FGD6: variants seen among roughly 807,000 people sequenced by gnomAD.
FGD6 encodes the protein FYVE, RhoGEF and PH domain-containing protein 6.
A neutral mutation model predicts 149.4 loss-of-function variants in FGD6; 90 were observed. The ratio of observed to expected loss-of-function variants is 0.60; its 90% CI spans 0.51 to 0.72. FGD6 has a LOEUF of 0.72. Among genes scored for constraint, FGD6 ranks in the 30% least tolerant of loss-of-function variants. The pLI, the probability that FGD6 is intolerant of heterozygous loss-of-function variation, is 0.00. For synonymous variants in FGD6, 527 were observed against 584.0 expected (o/e 0.90, Z 1.41); for missense variants, 1,437 against 1,684.8 (o/e 0.85, Z 2.57).
intron 8 of FGD6, among the ~76,000 whole-genome samples, chr12:95,134,311 A>G (rs7957829): frequency 0.67 from 101,943 of 151,972 alleles, 34,421 homozygotes; most frequent in Middle Eastern, 0.71. Context: ...ATCAAACCTT[A>G]TAACAACCTT....
At chr12:95,205,197 G>A (rs2056687041) in intron 2 of FGD6, among the ~76,000 whole-genome samples, 1 of 152,040 alleles carries the variant, frequency 6.6e-6, no homozygotes, top group South Asian at 2.1e-4. Context: ...AACCCCAGGA[G>A]GTCAAGGCTA....
Position 95,094,101 on chromosome 12 carries a change from G to A in FGD6, c.3600+491C>T, listed in dbSNP as rs183772877. 5.1e-3 allele frequency among the ~76,000 whole-genome samples: 772 copies of A among 151,806 alleles called. 2 individuals are homozygous for A. The highest frequency in any genetic ancestry group is 7.8e-3 in the Non-Finnish European group (529 of 67,936). On this transcript the variant is annotated intron_variant, in intron 15 of 20. Transcript: ENST00000343958. The stretch of plus-strand genomic sequence containing the variant: ...TTGAACCCAGGAGGCAGAGGTTGCA[G>A]TGAGCTGAGTTTGCGCCATTGCACT...
chr12:95,135,869 C>A (rs1879650745), intron 7 of FGD6, among the ~76,000 whole-genome samples: 2 of 152,152 alleles, frequency 1.3e-5, no homozygotes, highest in Non-Finnish European at 2.9e-5. Context: ...CTTTTGCTAA[C>A]AAGGTAACAC....
chr12:95,109,417 T>C (rs187705955), intron 9 of FGD6, among the ~76,000 whole-genome samples: 28 of 152,216 alleles, frequency 1.8e-4, no homozygotes, highest in African/African-American at 6.5e-4. Context: ...CCAAACTCCA[T>C]GCAATACTCC....
chr12:95,177,637 G>A (rs1169821935), intron 2 of FGD6, among the ~76,000 whole-genome samples: 1 of 152,054 alleles, frequency 6.6e-6, no homozygotes, highest in African/African-American at 2.4e-5. Flanking sequence ...ATGACTTGGT[G>A]ATTATGTGTT....
At chr12:95,110,399 C>G (rs1878779301) in intron 9 of FGD6, among the ~76,000 whole-genome samples, 1 of 150,894 alleles carries the variant, frequency 6.6e-6, no homozygotes, top group African/African-American at 2.4e-5. Flanking sequence ...CTCTGTCTCC[C>G]AGGCTGAAGT....
At chr12:95,182,179 A>G (rs1411254598) in intron 2 of FGD6, among the ~76,000 whole-genome samples, 1 of 90,480 alleles carries the variant, frequency 1.1e-5, no homozygotes, top group Admixed American at 1.2e-4. Flanking sequence ...AGAATACTTC[A>G]CAGTTGCATA....
chr12:95,106,233 ACTACAGGTGTGAG>A (rs1878616680), intron 13 of FGD6, among the ~76,000 whole-genome samples: 1 of 150,276 alleles, frequency 6.7e-6, no homozygotes, highest in South Asian at 2.1e-4. Flanking sequence ...AAGTGCTGGG[ACTACAGGTGTGAG>A]CCACTACGCC....
chr12:95,179,269 T>G (rs1592865390), intron 2 of FGD6, among the ~76,000 whole-genome samples: 1 of 147,606 alleles, frequency 6.8e-6, no homozygotes, highest in African/African-American at 2.5e-5. Context: ...CTGTGGGGGG[T>G]GGGGGTGATT....
intron 5 of FGD6, among the ~76,000 whole-genome samples, chr12:95,151,736 A>G (rs1241735244): frequency 6.6e-6 from 1 of 152,192 alleles, no homozygotes; most frequent in Non-Finnish European, 1.5e-5. Context: ...TATTTGGTGA[A>G]CCTTTCATTT....
intron 2 of FGD6, among the ~76,000 whole-genome samples, chr12:95,193,453 G>A (rs1233581980): frequency 1.3e-5 from 2 of 151,530 alleles, no homozygotes; most frequent in African/African-American, 4.9e-5. Context: ...TGCCTCCTGG[G>A]TTCAAGCAAT....
intron 14 of FGD6, among the ~76,000 whole-genome samples, chr12:95,096,024 A>AT (rs1555216375): frequency 6.6e-6 from 1 of 152,010 alleles, no homozygotes; most frequent in Non-Finnish European, 1.5e-5. Context: ...CAAAAAAAAA[A>AT]AAAGCAGAAG....
At chr12:95,104,985 A>AG in intron 14 of FGD6, 22 bp downstream of exon 14, 2 of 1,561,858 alleles carry the variant, frequency 1.3e-6, no homozygotes, top group Non-Finnish European at 1.7e-6. Context: ...AAAAAAAAAA[A>AG]AAAGAAGAAG....
chr12:95,113,592 T>C, intron 9 of FGD6, 59 bp downstream of exon 9: 1 of 1,282,090 alleles, frequency 7.8e-7, no homozygotes, highest in South Asian at 1.3e-5. Flanking sequence ...ATTTTTACTT[T>C]CTAGCCCTAC....
intron 3 of FGD6, among the ~76,000 whole-genome samples, chr12:95,162,100 C>CAAAAAAAAAA (rs762218917): frequency 1.6e-5 from 1 of 61,804 alleles, no homozygotes. Flanking sequence ...CTGAAAAATA[C>CAAAAAAAAAA]AAAAAAAAAA....
chr12:95,188,397 G>GTA (rs1439720011), intron 2 of FGD6, among the ~76,000 whole-genome samples: 2 of 152,092 alleles, frequency 1.3e-5, no homozygotes, highest in East Asian at 3.8e-4. Context: ...GTGTGTGTGT[G>GTA]TAGAGGACAT....
intron 8 of FGD6, among the ~76,000 whole-genome samples, chr12:95,129,894 G>A (rs1391117225): frequency 2.0e-5 from 3 of 151,968 alleles, no homozygotes; most frequent in Non-Finnish European, 2.9e-5. Flanking sequence ...GGCTGGTCTC[G>A]AACTTCTGAG....
At chr12:95,172,572 C>T (rs1448318101) in intron 3 of FGD6, 28 bp downstream of exon 3, 1 of 1,543,802 alleles carries the variant, frequency 6.5e-7, no homozygotes, top group South Asian at 1.3e-5. Flanking sequence ...AGGGAGAGGT[C>T]AAGAAGCAAT....
intron 20 of FGD6, among the ~76,000 whole-genome samples, chr12:95,082,544 C>G (rs1348836951): frequency 6.6e-6 from 1 of 150,672 alleles, no homozygotes; most frequent in Non-Finnish European, 1.5e-5. Flanking sequence ...GTAATCCCAG[C>G]TACTTGGGAG....
Sources: allele counts gnomAD v4.1 joint callset (sites outside exome capture counted in the v4.1 genomes callset), GRCh38; gene constraint gnomAD v4.1.1; transcripts MANE v1.5; gene names NCBI Gene and HGNC (gene_info 2026-07-23, HGNC 2026-07-21).